The following KNTC1 variants were observed in gnomAD, a reference collection of about 807,000 sequenced individuals.
The protein encoded by KNTC1 is kinetochore-associated protein 1.
KNTC1 carries 253 observed loss-of-function variants against 314.4 expected under a neutral mutation model. The observed-to-expected ratio is 0.80, with a 90% CI of 0.73 to 0.89. The LOEUF is 0.89. Ranked by LOEUF, KNTC1 falls within the 40% of genes least tolerant of loss-of-function variation. KNTC1 has a pLI of 0.00. For missense variants in KNTC1, 2,475 were observed against 2,572.9 expected (o/e 0.96, Z 0.82); for synonymous variants, 901 against 901.4 (o/e 1.00, Z 0.01).
At chr12:122,573,593 C>T (rs147383411) in intron 26 of KNTC1, among the ~76,000 whole-genome samples, 36 of 152,146 alleles carry the variant, frequency 2.4e-4, no homozygotes, top group African/African-American at 7.0e-4. Context: ...CAAGGTGGTC[C>T]GGGCACAGCT....
chr12:122,568,844 GA>G (rs142750429), intron 21 of KNTC1, among the ~76,000 whole-genome samples: 431 of 145,362 alleles, frequency 3.0e-3, no homozygotes, highest in African/African-American at 9.2e-3. Context: ...CCAAAAAAAA[GA>G]AAAAAAAAAA....
At chr12:122,555,068 CTG>C (rs1434958620) in intron 16 of KNTC1, among the ~76,000 whole-genome samples, 2 of 152,124 alleles carry the variant, frequency 1.3e-5, no homozygotes, top group African/African-American at 2.4e-5. Flanking sequence ...AAAATCGACT[CTG>C]TAACTTTTGG....
In KNTC1 at chr12:122,618,384, A is replaced by G. The variant is rs888128043; in HGVS notation, c.6072A>G (p.Ile2024Met). The change falls in exon 58 of 64, where the codon ATA (isoleucine) becomes ATG (methionine). Residue 2024 changes from isoleucine to methionine, a missense_variant. Coordinates refer to ENST00000333479, the MANE Select transcript of KNTC1 (RefSeq NM_014708.6). ...AAGCGTGGCAGCGTGTGATACAGAT[A>G]CCACTGCTTTCAGGTATTTCGCTCT... ...FSKAWQRVIQ[I>M]PLLSASCPLS... The G allele has an allele frequency of 1.2e-6, 2 of 1,613,592 alleles. No individual in the cohort carries two copies. The highest frequency in any genetic ancestry group is 1.1e-5 in the South Asian group (1 of 91,054).
At chr12:122,612,864 A>C in intron 53 of KNTC1, 1 of 449,720 alleles carries the variant, frequency 2.2e-6, no homozygotes, top group East Asian at 3.8e-5. Context: ...GTGTAAAGGC[A>C]AATAACATCT....
At chr12:122,530,298 C>T (rs751273384) in intron 2 of KNTC1, 106 bp downstream of exon 2, 5 of 938,380 alleles carry the variant, frequency 5.3e-6, no homozygotes, top group Non-Finnish European at 8.0e-6. Context: ...AGCACTTCCT[C>T]AGGGAATCAA....
rs547826217 is a variant in KNTC1 at position 122,564,459 on chromosome 12, T to C, written c.1604+1760T>C. Among the ~76,000 whole-genome samples, 14 of 152,218 alleles carry C rather than the reference T, an allele frequency of 9.2e-5. 1 individual carries two copies. In the South Asian group the frequency reaches 2.9e-3, roughly 32 times the overall value. On this transcript the variant is annotated intron_variant, in intron 20 of 63. Coordinates refer to ENST00000333479, the MANE Select transcript of KNTC1 (RefSeq NM_014708.6). ...ATAAAAGAGAACCCACGCTCCATTC[T>C]AGAATTAAAGGGTCCTAAAACATAT...
chr12:122,561,839 T>C (rs762977741), intron 18 of KNTC1, 82 bp from the exon 19 acceptor site: 33 of 1,170,268 alleles, frequency 2.8e-5, no homozygotes, highest in Non-Finnish European at 3.8e-5. Flanking sequence ...AAAAAATTTT[T>C]TGTTATTTCA....
At chr12:122,604,262 T>G (rs950887687) in intron 48 of KNTC1, among the ~76,000 whole-genome samples, 2 of 145,302 alleles carry the variant, frequency 1.4e-5, no homozygotes, top group African/African-American at 5.1e-5. Flanking sequence ...AACCTCTGCC[T>G]CAGCCTCTCG....
At chr12:122,588,887 A>G (rs760849610) in intron 40 of KNTC1, 71 bp downstream of exon 40, 11 of 900,108 alleles carry the variant, frequency 1.2e-5, no homozygotes, top group African/African-American at 1.7e-5. Context: ...ATTGCATATG[A>G]CTCAATAGTT....
In KNTC1 at chr12:122,610,809, A is replaced by AT. The variant is rs779313502; in HGVS notation, c.5544-5dup. 1.5e-5 allele frequency: 23 copies of AT among 1,577,710 alleles called. No individual in the cohort carries two copies. The highest frequency in any genetic ancestry group is 1.7e-5 in the Non-Finnish European group (19 of 1,150,334). On this transcript the variant is annotated splice_polypyrimidine_tract_variant and intron_variant, in intron 52 of 63. Coordinates refer to ENST00000333479, the MANE Select transcript of KNTC1 (RefSeq NM_014708.6). ...AAATTAAAAAATGACTGTAATTAAA[A>AT]TTTTTTTTCCAGAGTGCAGTATCTC... is the stretch of plus-strand genomic sequence containing the variant.
chr12:122,564,724 G>A (rs1473194686), intron 20 of KNTC1, among the ~76,000 whole-genome samples: 1 of 151,976 alleles, frequency 6.6e-6, no homozygotes, highest in East Asian at 1.9e-4. Context: ...TGCCTGCCTC[G>A]GCCTCCCAAA....
chr12:122,575,173 A>T (rs1245161176), intron 27 of KNTC1, among the ~76,000 whole-genome samples: 3 of 152,104 alleles, frequency 2.0e-5, no homozygotes, highest in African/African-American at 7.2e-5. Context: ...AGGTGGGAGA[A>T]TCGCTTGAAC....
At chr12:122,541,493 C>T (rs1291949427) in intron 5 of KNTC1, among the ~76,000 whole-genome samples, 5 of 151,570 alleles carry the variant, frequency 3.3e-5, no homozygotes, top group South Asian at 2.1e-4. Flanking sequence ...ACTACAGGCA[C>T]GCACCACCAC....
At chr12:122,575,979 T>C in intron 29 of KNTC1, 80 bp downstream of exon 29, 1 of 1,470,040 alleles carries the variant, frequency 6.8e-7, no homozygotes, top group Non-Finnish European at 9.0e-7. Flanking sequence ...ATTTATATTC[T>C]AGGAGGCTAA....
intron 44 of KNTC1, among the ~76,000 whole-genome samples, chr12:122,599,057 G>T (rs1188947702): frequency 6.6e-6 from 1 of 151,952 alleles, no homozygotes; most frequent in Non-Finnish European, 1.5e-5. Context: ...TCTGGGTATG[G>T]CTGGGTAAAT....
At chr12:122,609,834 G>T (rs919827797) in intron 52 of KNTC1, among the ~76,000 whole-genome samples, 1 of 152,180 alleles carries the variant, frequency 6.6e-6, no homozygotes, top group Non-Finnish European at 1.5e-5. Flanking sequence ...AAGGCACATT[G>T]ATTTTATCTA....
intron 34 of KNTC1, among the ~76,000 whole-genome samples, 186 bp from the exon 35 acceptor site, chr12:122,584,092 C>T (rs534551289): frequency 6.6e-6 from 1 of 152,302 alleles, no homozygotes; most frequent in South Asian, 2.1e-4. Context: ...CCACTGCACT[C>T]CTGCCTAGGC....
At chr12:122,567,422 A>G (rs1380259375) in intron 20 of KNTC1, among the ~76,000 whole-genome samples, 2 of 152,220 alleles carry the variant, frequency 1.3e-5, no homozygotes, top group African/African-American at 4.8e-5. Flanking sequence ...TATTATGCAT[A>G]GTAATATTTC....
intron 40 of KNTC1, among the ~76,000 whole-genome samples, chr12:122,589,910 A>T: frequency 6.7e-6 from 1 of 149,308 alleles, no homozygotes; most frequent in Admixed American, 6.8e-5. Flanking sequence ...CAGCCTCCTG[A>T]GTAGGTGGGA....
Sources: gnomAD v4.1 joint callset for allele counts (sites outside exome capture counted in the v4.1 genomes callset) on GRCh38, gnomAD v4.1.1 for gene constraint, MANE v1.5 for transcripts, NCBI Gene and HGNC (gene_info 2026-07-23, HGNC 2026-07-21) for gene names.